Variants in ZNF618 observed in about 807,000 individuals in gnomAD.
ZNF618 encodes zinc finger protein 618.
In ZNF618, 34 loss-of-function variants were observed where a neutral mutation model predicts 103.0. The ratio of observed to expected loss-of-function variants is 0.33; its 90% CI spans 0.25 to 0.44. ZNF618 has a LOEUF of 0.44. Among genes scored for constraint, ZNF618 ranks in the 20% least tolerant of loss-of-function variants. ZNF618 has a pLI of 1.00. For synonymous variants in ZNF618, 551 were observed against 542.2 expected, an observed-to-expected ratio of 1.02 and a Z score of -0.23; for missense variants, 1,059 against 1,295.4, an observed-to-expected ratio of 0.82 and a Z score of 2.80.
Position 113,954,466 on chromosome 9 carries a change from C to T in ZNF618, c.34-14651C>T, listed in dbSNP as rs143208044. Among the ~76,000 whole-genome samples the T allele has an allele frequency of 6.4e-4, 98 of 152,276 alleles. 1 individual carries two copies. The East Asian group carries it at 0.018, about 29-fold the overall frequency. Reference sequence around the variant, plus strand: ...GGCTGTGTGGCCAGGCATCCATTTCCCAGACTTCCAGAGTTCTTTAAACTC... The same window carrying T: ...GGCTGTGTGGCCAGGCATCCATTTCTCAGACTTCCAGAGTTCTTTAAACTC... On this transcript the variant is annotated intron_variant, in intron 1 of 14. Transcript: ENST00000374126.
rs10627696 is a variant in ZNF618 at position 113,889,317 on chromosome 9, A to ATCTCTCTCTCTC, written c.33+12922_33+12933dup. On this transcript the variant is annotated intron_variant, in intron 1 of 14. Coordinates refer to ENST00000374126, the MANE Select transcript of ZNF618 (RefSeq NM_001318042.2). Reference sequence around the variant, plus strand: ...TCCTTGGCCCTGTCTCCCCGCTACCATCTCTCTCTCTCTCTCTCTCTCTCT... The same window carrying ATCTCTCTCTCTC: ...TCCTTGGCCCTGTCTCCCCGCTACCATCTCTCTCTCTCTCTCTCTCTCTCTCTCTCTCTCTCT... Among the ~76,000 whole-genome samples, 1,145 of 139,304 alleles carry ATCTCTCTCTCTC rather than the reference A, an allele frequency of 8.2e-3. 7 individuals carry two copies. The highest frequency in any genetic ancestry group is 0.011 in the Non-Finnish European group (700 of 65,094). The allele number at this position is 139,304 out of a possible 152,430, so 91.4% of individuals were successfully genotyped here.
intron 1 of ZNF618, among the ~76,000 whole-genome samples, chr9:113,949,917 C>G (rs1835394186): frequency 1.3e-5 from 2 of 152,232 alleles, no homozygotes; most frequent in Non-Finnish European, 2.9e-5. Flanking sequence ...AGGCAATTCC[C>G]TGGCCTCTGG....
chr9:114,029,380 C>A (rs1314699664), intron 11 of ZNF618, among the ~76,000 whole-genome samples: 2 of 152,156 alleles, frequency 1.3e-5, no homozygotes, highest in Non-Finnish European at 2.9e-5. Context: ...AAAGTCAAAC[C>A]TGGCAGTCCT....
chr9:113,895,667 C>T (rs749631982), intron 1 of ZNF618, among the ~76,000 whole-genome samples: 12 of 152,060 alleles, frequency 7.9e-5, no homozygotes, highest in Admixed American at 1.3e-4. Flanking sequence ...GAGAAGGATT[C>T]TGAGGCCTTG....
chr9:113,946,024 C>T (rs1450117328), intron 1 of ZNF618, among the ~76,000 whole-genome samples: 4 of 152,190 alleles, frequency 2.6e-5, no homozygotes, highest in African/African-American at 9.7e-5. Flanking sequence ...CTTTGAGGCT[C>T]CATCGGGGAC....
chr9:114,004,574 G>T (rs1841564373), intron 6 of ZNF618, among the ~76,000 whole-genome samples: 1 of 152,212 alleles, frequency 6.6e-6, no homozygotes, highest in African/African-American at 2.4e-5. Context: ...TCTGTAGCGG[G>T]GGTATTTTTA....
At chr9:114,035,280 C>T (rs756256014) in intron 12 of ZNF618, 79 of 983,574 alleles carry the variant, frequency 8.0e-5, no homozygotes, top group Non-Finnish European at 9.5e-5. Flanking sequence ...CAAGGCAGGG[C>T]AGGGAAGGAA....
At position 114,050,298 on chromosome 9, in the gene ZNF618, C is replaced by T. The variant is rs1846037242; in HGVS notation, c.*131C>T. On this transcript the variant is annotated 3_prime_UTR_variant, in exon 15 of 15. Transcript: ENST00000374126. The stretch of plus-strand genomic sequence containing the variant: ...CCTCATTATAAATGCCCCCTGGAAA[C>T]TTAAGTGCTTTTTTTATATGTGTGT... The T allele has an allele frequency of 1.7e-6, 2 of 1,156,264 alleles. No homozygotes were observed. The highest frequency in any genetic ancestry group is 2.4e-6 in the Non-Finnish European group (2 of 836,932). 71.6% of individuals were successfully genotyped at this position (1,156,264 alleles called of 1,614,324 possible). A position where few individuals can be genotyped will look rare whatever the true frequency, so the allele number is the denominator to read the frequency against.
chr9:113,960,547 G>T (rs958012998), intron 1 of ZNF618, among the ~76,000 whole-genome samples: 1 of 152,190 alleles, frequency 6.6e-6, no homozygotes, highest in Non-Finnish European at 1.5e-5. Flanking sequence ...TTCCATTCCA[G>T]ACAGGAATGA....
intron 4 of ZNF618, among the ~76,000 whole-genome samples, chr9:114,001,098 G>A (rs1372429240): frequency 6.6e-6 from 1 of 152,218 alleles, no homozygotes; most frequent in African/African-American, 2.4e-5. Context: ...GAGCAGGCAG[G>A]GTTTCTGCCC....
At chr9:114,013,470 G>A (rs182870382) in intron 9 of ZNF618, among the ~76,000 whole-genome samples, 52 of 152,044 alleles carry the variant, frequency 3.4e-4, no homozygotes, top group Admixed American at 3.1e-3. Flanking sequence ...TCACTCTGTC[G>A]CCCAGGCTGG....
At chr9:113,970,837 C>G (rs1050797474) in intron 2 of ZNF618, among the ~76,000 whole-genome samples, 25 of 150,284 alleles carry the variant, frequency 1.7e-4, no homozygotes, top group African/African-American at 5.9e-4. Flanking sequence ...CCCTGTGTTC[C>G]TTTTTTTCTG....
At chr9:113,960,650 C>T (rs72761029) in intron 1 of ZNF618, among the ~76,000 whole-genome samples, 10,153 of 152,308 alleles carry the variant, frequency 0.067, 469 homozygotes, top group Non-Finnish European at 0.1. Flanking sequence ...TGGTCATTTT[C>T]CCTGGCTTTC....
intron 1 of ZNF618, among the ~76,000 whole-genome samples, chr9:113,942,371 G>A (rs1395331337): frequency 6.6e-6 from 1 of 151,842 alleles, no homozygotes; most frequent in Admixed American, 6.6e-5. Context: ...TGGTCTTTCT[G>A]GTGAGTGTGA....
intron 1 of ZNF618, among the ~76,000 whole-genome samples, chr9:113,955,520 T>C (rs1836197433): frequency 6.6e-6 from 1 of 152,150 alleles, no homozygotes; most frequent in African/African-American, 2.4e-5. Flanking sequence ...AAAAAATTCA[T>C]GCAGTTGTTC....
At chr9:113,951,458 TACATATATGTGTGTATGTGTAC>T (rs1159107710) in intron 1 of ZNF618, among the ~76,000 whole-genome samples, 13 of 54,696 alleles carry the variant, frequency 2.4e-4, no homozygotes, top group South Asian at 1.7e-3. Flanking sequence ...TGTGTATATA[TACATATATGTGTGTATGTGTAC>T]ACATATATGT....
intron 1 of ZNF618, among the ~76,000 whole-genome samples, chr9:113,967,026 T>C (rs1331157448): frequency 6.6e-6 from 1 of 152,240 alleles, no homozygotes; most frequent in Non-Finnish European, 1.5e-5. Context: ...TCCCACACTC[T>C]GTCACGTGTT....
rs1329042808 is a variant in ZNF618 at position 114,053,539 on chromosome 9, A to G, written c.*3372A>G. The G allele has an allele frequency of 2.0e-5, 3 of 152,218 alleles. No homozygotes were observed. The highest frequency in any genetic ancestry group is 4.1e-4 in the South Asian group (2 of 4,828). 9.4% of individuals were successfully genotyped at this position (152,218 alleles called of 1,614,324 possible). A position where few individuals can be genotyped will look rare whatever the true frequency, so the allele number is the denominator to read the frequency against. On this transcript the variant is annotated 3_prime_UTR_variant, in exon 15 of 15. Coordinates refer to ENST00000374126, the MANE Select transcript of ZNF618 (RefSeq NM_001318042.2). ...ATGGACCCAAAAGGGGAGGTGAAGA[A>G]AACACACCTCCACCTGGCAAGTTTT... is the stretch of plus-strand genomic sequence containing the variant.
intron 10 of ZNF618, among the ~76,000 whole-genome samples, chr9:114,022,919 C>T (rs889611466): frequency 6.6e-6 from 1 of 151,958 alleles, no homozygotes; most frequent in African/African-American, 2.4e-5. Context: ...GCCTGTTGTC[C>T]CGAAATTTCC....
Sources: allele counts gnomAD v4.1 joint callset (sites outside exome capture counted in the v4.1 genomes callset), GRCh38; gene constraint gnomAD v4.1.1; transcripts MANE v1.5; gene names NCBI Gene and HGNC (gene_info 2026-07-23, HGNC 2026-07-21).